U2AF2: variants seen among roughly 807,000 people sequenced by gnomAD.
U2AF2 encodes the protein splicing factor U2AF 65 kDa subunit.
In U2AF2, 6 loss-of-function variants were observed where a neutral mutation model predicts 52.6. The observed-to-expected ratio is 0.11, with a 90% CI of 0.06 to 0.23. The LOEUF (loss-of-function observed/expected upper bound fraction) is 0.23. U2AF2 is among the 10% of genes least tolerant of loss of function. The pLI is 1.00. For missense variants in U2AF2, 222 were observed against 677.1 expected, an observed-to-expected ratio of 0.33 and a Z score of 7.46; for synonymous variants, 284 against 258.2, an observed-to-expected ratio of 1.10 and a Z score of -0.96.
intron 7 of U2AF2, among the ~76,000 whole-genome samples, chr19:55,664,637 G>T (rs1273835411): frequency 6.6e-6 from 1 of 152,188 alleles, no homozygotes; most frequent in Non-Finnish European, 1.5e-5. Flanking sequence ...CAGGGCAGGC[G>T]ATGTGGAGCC....
At chr19:55,659,477 C>T in intron 2 of U2AF2, 132 bp downstream of exon 2, 2 of 1,193,996 alleles carry the variant, frequency 1.7e-6, no homozygotes, top group Admixed American at 4.0e-5. Context: ...TTGTGTGGAT[C>T]TGGGGGAGGG....
chr19:55,655,589 C>T (rs773974392), intron 1 of U2AF2, among the ~76,000 whole-genome samples: 2 of 152,294 alleles, frequency 1.3e-5, no homozygotes, highest in Admixed American at 1.3e-4. Context: ...TCCACGCCCC[C>T]TTTGTTTCCA....
At chr19:55,662,448 C>A in intron 5 of U2AF2, 54 bp from the exon 6 acceptor site, 1 of 1,090,834 alleles carries the variant, frequency 9.2e-7, no homozygotes, top group East Asian at 3.8e-5. Flanking sequence ...CCTTCCCCTC[C>A]TCTCTCCACC....
chr19:55,657,767 T>C (rs1983888114), intron 1 of U2AF2, among the ~76,000 whole-genome samples: 1 of 152,206 alleles, frequency 6.6e-6, no homozygotes, highest in Non-Finnish European at 1.5e-5. Context: ...TTCGAGAGTA[T>C]GGCCTCGTGC....
chr19:55,655,378 G>T (rs965198666), intron 1 of U2AF2, among the ~76,000 whole-genome samples: 2 of 152,154 alleles, frequency 1.3e-5, no homozygotes, highest in Non-Finnish European at 2.9e-5. Context: ...GCATGCGCAC[G>T]GCGGCTGTCC....
chr19:55,672,787 G>GC (rs1324759632), intron 11 of U2AF2, among the ~76,000 whole-genome samples: 1 of 146,794 alleles, frequency 6.8e-6, no homozygotes, highest in Non-Finnish European at 1.5e-5. Flanking sequence ...AGTGCAGTGT[G>GC]CCCGCCACCA....
At position 55,673,996 on chromosome 19, in the gene U2AF2, C is replaced by T. The variant is rs1052249979; in HGVS notation, c.1356C>T (p.Arg452=). 1.3e-6 allele frequency: 2 copies of T among 1,563,282 alleles called. No individual in the cohort carries two copies. The highest frequency in any genetic ancestry group is 8.7e-7 in the Non-Finnish European group (1 of 1,147,798). ...AAGCCATGCAGGGCCTGACGGGCCGCAAGTTCGCCAACAGAGTGGTTGTCA... is the reference window on the plus strand; with the variant it reads ...AAGCCATGCAGGGCCTGACGGGCCGTAAGTTCGCCAACAGAGTGGTTGTCA... ...CQKAMQGLTG[R]KFANRVVVTK... Residue 452 remains arginine, a synonymous_variant, in exon 12 of 12, where the codon CGC becomes CGT. Coordinates refer to ENST00000308924, the MANE Select transcript of U2AF2 (RefSeq NM_007279.3).
chr19:55,672,852 C>A (rs1419338069), intron 11 of U2AF2, among the ~76,000 whole-genome samples: 1 of 151,704 alleles, frequency 6.6e-6, no homozygotes, highest in Non-Finnish European at 1.5e-5. Context: ...ACCGTGTTAG[C>A]CAGGATGGTC....
At position 55,655,194 on chromosome 19, in the gene U2AF2, C is replaced by T. The variant is rs754426662; in HGVS notation, c.49+41C>T. On this transcript the variant is annotated intron_variant, in intron 1 of 11. Coordinates refer to ENST00000308924, the MANE Select transcript of U2AF2 (RefSeq NM_007279.3). ...TCGCGGGGCGGAGGTGTGGGCGGCT[C>T]CTCGCGTCGCTCTTTGCCCCCCCGC... The T allele has an allele frequency of 1.4e-5, 22 of 1,582,968 alleles. No homozygotes were observed. In the Admixed American group the frequency reaches 2.6e-4, roughly 19 times the overall value.
rs757478927 is a variant in U2AF2 at position 55,669,706 on chromosome 19, G to C, written c.1293+14G>C. 2 of 1,587,532 alleles carry C rather than the reference G, an allele frequency of 1.3e-6. No individual in the cohort carries two copies. The highest frequency in any genetic ancestry group is 1.7e-6 in the Non-Finnish European group (2 of 1,164,982). ...GGCTGCGGAAAGGTCAGGAGGCCTCGGGCTCAGTGCTCTCTCACCCTCTGC... is the reference window on the plus strand; with the variant it reads ...GGCTGCGGAAAGGTCAGGAGGCCTCCGGCTCAGTGCTCTCTCACCCTCTGC... On this transcript the variant is annotated intron_variant, in intron 11 of 11. Transcript: ENST00000308924.
In U2AF2 at chr19:55,659,331, C is replaced by G. The variant is rs771319910; in HGVS notation, c.171C>G (p.Asp57Glu). 6.5e-7 allele frequency: 1 copy of G among 1,545,788 alleles called. No individual in the cohort carries two copies. Among genetic ancestry groups the G allele is most frequent in the East Asian group, 2.4e-5 (1 of 41,650 alleles). Residue 57 changes from aspartate (D) to glutamate (E), a missense_variant, in exon 2 of 12, where the codon GAC becomes GAG. Around this residue, in one of 4 missense-constraint regions of U2AF2, gnomAD observed 100 missense variants for 144.1 expected, o/e 0.69. Coordinates refer to ENST00000308924, the MANE Select transcript of U2AF2 (RefSeq NM_007279.3). ...RNRDQRSASRDRRRRSKPLTR... is the reference protein window; with the variant it reads ...RNRDQRSASRERRRRSKPLTR... Reference sequence around the variant, plus strand: ...GGGACCAGCGGAGCGCCTCCCGGGACAGGCGACGACGCAGGTACTAGGGCT... The same window carrying G: ...GGGACCAGCGGAGCGCCTCCCGGGAGAGGCGACGACGCAGGTACTAGGGCT...
In U2AF2 at chr19:55,658,163, C is replaced by T. The variant is rs976777909; in HGVS notation, c.50-1047C>T. On this transcript the variant is annotated intron_variant, in intron 1 of 11. Coordinates refer to ENST00000308924, the MANE Select transcript of U2AF2 (RefSeq NM_007279.3). ...CTCCTCTTGTCCCCAGGGATGATCA[C>T]TCCAGGAGATGCGTGTTAACATATA... Among the ~76,000 whole-genome samples, 6 of 152,156 alleles carry T rather than the reference C, an allele frequency of 3.9e-5. No homozygotes were observed. The South Asian group carries it at 1.0e-3, about 26-fold the overall frequency.
chr19:55,660,306 C>A, intron 3 of U2AF2, 85 bp downstream of exon 3: 2 of 1,485,280 alleles, frequency 1.3e-6, no homozygotes, highest in South Asian at 1.2e-5. Context: ...CGCCCATTTC[C>A]AGCCCTGGCC....
Position 55,663,596 on chromosome 19 carries a change from TTTCA to T in U2AF2, c.604-5_604-2del. ...CCCCATCCCTCACCACTCCTTTCTC[TTTCA>T]TTCAGTTCCGCTCAGTGGACGAGAC... On this transcript the variant is annotated splice_region_variant and splice_polypyrimidine_tract_variant and intron_variant, in intron 6 of 11. Transcript: ENST00000308924. The T allele has an allele frequency of 6.2e-7, 1 of 1,613,236 alleles. No homozygotes were observed. Among genetic ancestry groups the T allele is most frequent in the Non-Finnish European group, 8.5e-7 (1 of 1,179,326 alleles).
At chr19:55,660,379 A>AC in intron 3 of U2AF2, 137 bp from the exon 4 acceptor site, 1 of 1,089,234 alleles carries the variant, frequency 9.2e-7, no homozygotes, top group Non-Finnish European at 1.3e-6. Flanking sequence ...CCTGCCCCAG[A>AC]CCCTCTCCTT....
chr19:55,662,777 A>G (rs1471482589), intron 6 of U2AF2, among the ~76,000 whole-genome samples, 159 bp downstream of exon 6: 9 of 152,076 alleles, frequency 5.9e-5, no homozygotes, highest in Admixed American at 5.2e-4. Context: ...ATAGCATTAC[A>G]GATCTGATCC....
chr19:55,663,843 T>G, intron 7 of U2AF2, 99 bp downstream of exon 7: 1 of 1,536,968 alleles, frequency 6.5e-7, no homozygotes, highest in African/African-American at 1.4e-5. Context: ...GGAAGTTGTG[T>G]AAGTACTGTG....
chr19:55,672,067 T>G (rs1285761134), intron 11 of U2AF2: 1 of 151,158 alleles, frequency 6.6e-6, no homozygotes, highest in Non-Finnish European at 1.5e-5. Context: ...AGGCGGAGGT[T>G]GCAGTGAGCC....
chr19:55,665,249 G>C (rs1458051484), intron 7 of U2AF2, among the ~76,000 whole-genome samples: 3 of 152,176 alleles, frequency 2.0e-5, no homozygotes, highest in Non-Finnish European at 4.4e-5. Flanking sequence ...GTCAGGCGCT[G>C]TCCTAAGTGC....
Sources: allele counts gnomAD v4.1 joint callset (sites outside exome capture counted in the v4.1 genomes callset), GRCh38; gene constraint gnomAD v4.1.1; regional missense constraint gnomAD v4.1.1; transcripts MANE v1.5; gene names NCBI Gene and HGNC (gene_info 2026-07-23, HGNC 2026-07-21).